Variants in KCNA2 observed in about 807,000 individuals in gnomAD.
KCNA2 encodes the protein potassium voltage-gated channel subfamily A member 2.
KCNA2 carries 11 observed loss-of-function variants against 33.4 expected under a neutral mutation model. That is an observed-to-expected ratio of 0.33 (90% CI 0.21 to 0.55). KCNA2 has a LOEUF of 0.55. KCNA2 is among the 20% of genes least tolerant of loss of function. KCNA2 has a pLI of 0.93. For synonymous variants in KCNA2, 222 were observed against 231.3 expected (o/e 0.96, Z 0.37); for missense variants, 291 against 621.6 (o/e 0.47, Z 5.66).
chr1:110,594,306 T>TAA lies in KCNA2; in HGVS notation c.*8976_*8977insTT. ...CTCTCTCTCTCTCTATATATATATA[T>TAA]ACATATATATATATATGTGTGTGTA... On this transcript the variant is annotated 3_prime_UTR_variant, in exon 3 of 3. Coordinates refer to ENST00000316361, the MANE Select transcript of KCNA2 (RefSeq NM_004974.4). The TAA allele has an allele frequency of 2.3e-6, 2 of 884,142 alleles. No individual in the cohort carries two copies. Among genetic ancestry groups the TAA allele is most frequent in the Non-Finnish European group, 2.7e-6 (2 of 744,436 alleles). 54.8% of individuals were successfully genotyped at this position (884,142 alleles called of 1,614,324 possible). A position where few individuals can be genotyped will look rare whatever the true frequency, so the allele number is the denominator to read the frequency against.
In KCNA2 at chr1:110,598,626, T is replaced by A. The variant is rs1380540841; in HGVS notation, c.*4657A>T. 4 of 985,246 alleles carry A rather than the reference T, an allele frequency of 4.1e-6. No homozygotes were observed. The highest frequency in any genetic ancestry group is 6.2e-5 in the Admixed American group (1 of 16,250). The allele number at this position is 985,246 out of a possible 1,614,324, so 61.0% of individuals were successfully genotyped here. A position where few individuals can be genotyped will look rare whatever the true frequency, so the allele number is the denominator to read the frequency against. ...GGGTCTCAGGCCATCATAGCTTCCATGGGAGCCCTTTCCATACTAGGCTAA... is the reference window on the plus strand; with the variant it reads ...GGGTCTCAGGCCATCATAGCTTCCAAGGGAGCCCTTTCCATACTAGGCTAA... On this transcript the variant is annotated 3_prime_UTR_variant, in exon 3 of 3. Coordinates refer to ENST00000316361, the MANE Select transcript of KCNA2 (RefSeq NM_004974.4).
rs1649220928 is a variant in KCNA2, at chr1:110,598,952, T to C, written c.*4331A>G. On this transcript the variant is annotated 3_prime_UTR_variant, in exon 3 of 3. Coordinates refer to ENST00000316361, the MANE Select transcript of KCNA2 (RefSeq NM_004974.4). Reference sequence around the variant, plus strand: ...TTTCGGTCTCCTGAAAACTCCAAGTTTCTTGAAAATGAATCCACAGAGGCA... The same window carrying C: ...TTTCGGTCTCCTGAAAACTCCAAGTCTCTTGAAAATGAATCCACAGAGGCA... 1.0e-6 allele frequency: 1 copy of C among 985,308 alleles called. No homozygotes were observed. The highest frequency in any genetic ancestry group is 1.7e-5 in the African/African-American group (1 of 57,240). The allele number at this position is 985,308 out of a possible 1,614,324, so 61.0% of individuals were successfully genotyped here.
intron 1 of KCNA2, among the ~76,000 whole-genome samples, chr1:110,629,078 G>T (rs1400722280): frequency 1.3e-5 from 2 of 152,126 alleles, no homozygotes; most frequent in Non-Finnish European, 2.9e-5. Flanking sequence ...TTCAAGAATG[G>T]CTCCCAAATG....
At chr1:110,618,865 G>A (rs930076982) in intron 1 of KCNA2, among the ~76,000 whole-genome samples, 5 of 152,120 alleles carry the variant, frequency 3.3e-5, no homozygotes, top group Non-Finnish European at 7.4e-5. Context: ...TATCTCTTCC[G>A]GCAGGCGAAG....
chr1:110,594,781 C>A lies in KCNA2; in HGVS notation c.*8502G>T. On this transcript the variant is annotated 3_prime_UTR_variant, in exon 3 of 3. Transcript: ENST00000316361. ...TCACCCCCGCCAAAGCCAGCCAGGC[C>A]TCTCTTCTTGCTTTTCTATCCCATT... 1.0e-6 allele frequency: 1 copy of A among 985,604 alleles called. No individual in the cohort carries two copies. Among genetic ancestry groups the A allele is most frequent in the Non-Finnish European group, 1.2e-6 (1 of 830,052 alleles). The allele number at this position is 985,604 out of a possible 1,614,324, so 61.1% of individuals were successfully genotyped here.
chr1:110,623,341 C>G (rs1158106853), intron 1 of KCNA2, among the ~76,000 whole-genome samples: 2 of 152,126 alleles, frequency 1.3e-5, no homozygotes, highest in Admixed American at 6.5e-5. Flanking sequence ...ACCAAAAGAG[C>G]TAAAACTATA....
intron 1 of KCNA2, among the ~76,000 whole-genome samples, chr1:110,624,254 A>G (rs1650335718): frequency 6.6e-6 from 1 of 152,274 alleles, no homozygotes; most frequent in Admixed American, 6.5e-5. Flanking sequence ...ATGTCCACCA[A>G]CTGCTGGATT....
In KCNA2 at chr1:110,598,881, ACT is replaced by A. The variant is rs1344978340; in HGVS notation, c.*4400_*4401del. ...ACTCTGAAATTTGACCCACTCAGCCACTCTCTCTTCCTGACAATCTCTCCACC... is the reference window on the plus strand; with the variant it reads ...ACTCTGAAATTTGACCCACTCAGCCACTCTCTTCCTGACAATCTCTCCACC... On this transcript the variant is annotated 3_prime_UTR_variant, in exon 3 of 3. Coordinates refer to ENST00000316361, the MANE Select transcript of KCNA2 (RefSeq NM_004974.4). 2.0e-6 allele frequency: 2 copies of A among 985,006 alleles called. No homozygotes were observed. The highest frequency in any genetic ancestry group is 2.4e-6 in the Non-Finnish European group (2 of 829,880). The allele number at this position is 985,006 out of a possible 1,614,324, so 61.0% of individuals were successfully genotyped here.
At chr1:110,623,640 C>G (rs1195674635) in intron 1 of KCNA2, among the ~76,000 whole-genome samples, 1 of 152,206 alleles carries the variant, frequency 6.6e-6, no homozygotes, top group African/African-American at 2.4e-5. Flanking sequence ...AGCAATCCTC[C>G]CGCTTTGGAC....
rs1488109100 is a variant in KCNA2 at position 110,595,839 on chromosome 1, T to C, written c.*7444A>G. 3.0e-6 allele frequency: 3 copies of C among 985,468 alleles called. No homozygotes were observed. Among genetic ancestry groups the C allele is most frequent in the Non-Finnish European group, 3.6e-6 (3 of 829,944 alleles). The allele number at this position is 985,468 out of a possible 1,614,324, so 61.0% of individuals were successfully genotyped here. On this transcript the variant is annotated 3_prime_UTR_variant, in exon 3 of 3. Coordinates refer to ENST00000316361, the MANE Select transcript of KCNA2 (RefSeq NM_004974.4). ...GATGTGCTTTAGTTCTTCATTGGAA[T>C]GTTACTTTCAGATCTCACAAACCTC... is the stretch of plus-strand genomic sequence containing the variant.
In KCNA2 at chr1:110,593,731, G is replaced by T; in HGVS notation, c.*9552C>A. 1.4e-6 allele frequency: 1 copy of T among 701,090 alleles called. No individual in the cohort carries two copies. Among genetic ancestry groups the T allele is most frequent in the South Asian group, 2.5e-5 (1 of 39,510 alleles). 43.4% of individuals were successfully genotyped at this position (701,090 alleles called of 1,614,324 possible). ...GTCTATGTACACCCATGATCAGGTG[G>T]ACAGGCAATGTTCATTGAGGCACAT... On this transcript the variant is annotated 3_prime_UTR_variant, in exon 3 of 3. Transcript: ENST00000316361.
rs1326338141 is a variant in KCNA2, at chr1:110,593,773, A to G, written c.*9510T>C. 12 of 1,235,626 alleles carry G rather than the reference A, an allele frequency of 9.7e-6. No individual in the cohort carries two copies. The highest frequency in any genetic ancestry group is 1.1e-6 in the Non-Finnish European group (1 of 883,094). 76.5% of individuals were successfully genotyped at this position (1,235,626 alleles called of 1,614,324 possible). On this transcript the variant is annotated 3_prime_UTR_variant, in exon 3 of 3. Transcript: ENST00000316361. ...GAGGCACATATGTACACATATATGT[A>G]TAACCTATGTACAAATATCAGACCC...
At chr1:110,630,009 CTTTTTTTTTTT>C (rs372364243) in intron 1 of KCNA2, among the ~76,000 whole-genome samples, 3 of 115,218 alleles carry the variant, frequency 2.6e-5, no homozygotes, top group Admixed American at 8.8e-5. Context: ...GTGCTCTGTA[CTTTTTTTTTTT>C]TTTTTTTTTT....
At position 110,601,075 on chromosome 1, in the gene KCNA2, A is replaced by G; in HGVS notation, c.*2208T>C. On this transcript the variant is annotated 3_prime_UTR_variant, in exon 3 of 3. Transcript: ENST00000316361. ...CCATTTCAGGGTCAACCTACTGTCT[A>G]CCTTTAGGCTGTGCAGTGCTCATTT... 3.0e-6 allele frequency: 3 copies of G among 985,374 alleles called. No homozygotes were observed. Among genetic ancestry groups the G allele is most frequent in the Non-Finnish European group, 3.6e-6 (3 of 829,924 alleles). The allele number at this position is 985,374 out of a possible 1,614,324, so 61.0% of individuals were successfully genotyped here.
chr1:110,604,182 T>A lies in KCNA2; in HGVS notation c.601A>T (p.Thr201Ser), dbSNP rs1016641998. 1.2e-6 allele frequency: 2 copies of A among 1,614,026 alleles called. No individual in the cohort carries two copies. The highest frequency in any genetic ancestry group is 2.7e-5 in the African/African-American group (2 of 74,892). Residue 201 changes from threonine to serine, a missense_variant, in exon 3 of 3, where the codon ACC (threonine) becomes TCC (serine). Coordinates refer to ENST00000316361, the MANE Select transcript of KCNA2 (RefSeq NM_004974.4). The surrounding 1 kb of genome is among the most constrained non-coding windows in gnomAD (Gnocchi z 7.6). Reference sequence around the variant, plus strand: ...GTGCTGTTGGAATAGGTGTGGAAGGTCACCCCACTACCATGCATGTCTTCA... The same window carrying A: ...GTGCTGTTGGAATAGGTGTGGAAGGACACCCCACTACCATGCATGTCTTCA... ...ENEDMHGSGV[T>S]FHTYSNSTIG...
Position 110,601,844 on chromosome 1 carries a change from ATATG to A in KCNA2, c.*1435_*1438del, listed in dbSNP as rs543055878. The A allele has an allele frequency of 5.2e-4, 726 of 1,402,462 alleles. 6 individuals carry two copies. In the African/African-American group the frequency reaches 6.5e-3, roughly 12 times the overall value. The allele number at this position is 1,402,462 out of a possible 1,614,324, so 86.9% of individuals were successfully genotyped here. On this transcript the variant is annotated 3_prime_UTR_variant, in exon 3 of 3. Transcript: ENST00000316361. ...TGTGTGTGTGTATACATATACACAC[ATATG>A]TATGTATATATATACACCCTAGTGC...
rs1401505035 is a variant in KCNA2, at chr1:110,601,983, G to C, written c.*1300C>G. 1 of 1,532,324 alleles carries C rather than the reference G, an allele frequency of 6.5e-7. No individual in the cohort carries two copies. The highest frequency in any genetic ancestry group is 1.4e-5 in the African/African-American group (1 of 72,612). The allele number at this position is 1,532,324 out of a possible 1,614,324, so 94.9% of individuals were successfully genotyped here. On this transcript the variant is annotated 3_prime_UTR_variant, in exon 3 of 3. Transcript: ENST00000316361. ...TCACTAGCTAGGTAGAGGAACGCGT[G>C]AAAGAGAGATACTCGATATATATTT...
intron 1 of KCNA2, among the ~76,000 whole-genome samples, chr1:110,626,293 A>G (rs1424919785): frequency 1.3e-5 from 2 of 152,222 alleles, no homozygotes; most frequent in African/African-American, 4.8e-5. Context: ...GAGTATTTCT[A>G]TGTTTTGATA....
intron 1 of KCNA2, among the ~76,000 whole-genome samples, chr1:110,629,817 AT>A (rs1401794374): frequency 1.3e-5 from 2 of 152,264 alleles, no homozygotes; most frequent in Middle Eastern, 3.2e-3. Flanking sequence ...ACAGGAGTTA[AT>A]TAAGACGAGA....
Sources: gnomAD v4.1 joint callset for allele counts (sites outside exome capture counted in the v4.1 genomes callset) on GRCh38, gnomAD v4.1.1 for gene constraint, Gnocchi (gnomAD v3.1) non-coding constraint, MANE v1.5 for transcripts, NCBI Gene and HGNC (gene_info 2026-07-23, HGNC 2026-07-21) for gene names.